TCERG1L: variants seen among roughly 807,000 people sequenced by gnomAD.
TCERG1L encodes the protein transcription elongation regulator 1-like protein.
In TCERG1L, 37 loss-of-function variants were observed where a neutral mutation model predicts 56.3. The observed-to-expected ratio is 0.66, with a 90% CI of 0.51 to 0.87. TCERG1L has a LOEUF of 0.87. TCERG1L is among the 40% of genes least tolerant of loss of function. The pLI, the probability that TCERG1L is intolerant of heterozygous loss-of-function variation, is 0.00. For missense variants in TCERG1L, 799 were observed against 774.2 expected (o/e 1.03, Z -0.38); for synonymous variants, 324 against 326.3 (o/e 0.99, Z 0.08).
chr10:131,185,963 G>C (rs1280141666), intron 4 of TCERG1L, among the ~76,000 whole-genome samples: 6 of 152,234 alleles, frequency 3.9e-5, no homozygotes, highest in Non-Finnish European at 8.8e-5. Flanking sequence ...ATGTACATGA[G>C]CATCAATGGA....
chr10:131,163,228 C>T lies in TCERG1L; in HGVS notation c.946-18G>A. The T allele has an allele frequency of 2.0e-6, 3 of 1,500,510 alleles. No individual in the cohort carries two copies. Among genetic ancestry groups the T allele is most frequent in the Non-Finnish European group, 1.8e-6 (2 of 1,126,872 alleles). 92.9% of individuals were successfully genotyped at this position (1,500,510 alleles called of 1,614,324 possible). ...GGAGGCTCCTTTCAACAGAAAGAGA[C>T]AGGGGAGTGGCTTTTAATTTTAAAC... On this transcript the variant is annotated intron_variant, in intron 5 of 11. Transcript: ENST00000368642.
At chr10:131,252,015 T>C (rs536998361) in intron 4 of TCERG1L, among the ~76,000 whole-genome samples, 4 of 152,310 alleles carry the variant, frequency 2.6e-5, no homozygotes, top group Middle Eastern at 3.4e-3. Context: ...CTCGGATAAG[T>C]GGAATCCTAT....
At chr10:131,209,388 T>A (rs908004135) in intron 4 of TCERG1L, among the ~76,000 whole-genome samples, 4 of 152,220 alleles carry the variant, frequency 2.6e-5, no homozygotes, top group African/African-American at 9.6e-5. Flanking sequence ...TGATAATGTC[T>A]AGTGTAGCAG....
In TCERG1L at chr10:131,223,787, C is replaced by T. The variant is rs909765183; in HGVS notation, c.856+36472G>A. On this transcript the variant is annotated intron_variant, in intron 4 of 11. Transcript: ENST00000368642. ...ATCTCCTTCCAGCTCAAGGTCACTC[C>T]CTGAAGTCTCCTTTGGCAAGCAGCC... 7.9e-5 allele frequency among the ~76,000 whole-genome samples: 12 copies of T among 152,134 alleles called. No homozygotes were observed. The South Asian group carries it at 1.0e-3, about 13-fold the overall frequency.
intron 9 of TCERG1L, among the ~76,000 whole-genome samples, chr10:131,112,825 C>T (rs1251514105): frequency 7.0e-6 from 1 of 142,376 alleles, no homozygotes; most frequent in African/African-American, 2.5e-5. Flanking sequence ...GAGGAAGGTG[C>T]CCAAATTTGC....
intron 4 of TCERG1L, among the ~76,000 whole-genome samples, chr10:131,256,245 AT>A (rs1303288026): frequency 2.0e-5 from 3 of 152,322 alleles, no homozygotes; most frequent in African/African-American, 7.2e-5. Flanking sequence ...GCATCTGCAG[AT>A]TTTGCTAATG....
intron 4 of TCERG1L, among the ~76,000 whole-genome samples, chr10:131,195,617 G>A (rs115652905): frequency 3.9e-5 from 6 of 152,148 alleles, no homozygotes; most frequent in East Asian, 1.9e-4. Context: ...CAGCCCGATC[G>A]CACAGGACCT....
At chr10:131,245,979 G>A (rs187110015) in intron 4 of TCERG1L, among the ~76,000 whole-genome samples, 80 of 152,274 alleles carry the variant, frequency 5.3e-4, no homozygotes, top group African/African-American at 1.6e-3. Flanking sequence ...TGGGAATGAC[G>A]GGGTAAACAG....
chr10:131,094,378 C>G (rs1269491815), intron 11 of TCERG1L, among the ~76,000 whole-genome samples: 1 of 152,242 alleles, frequency 6.6e-6, no homozygotes, highest in Non-Finnish European at 1.5e-5. Context: ...GAATTTTACA[C>G]TTCCTTGCAG....
At chr10:131,245,623 C>T (rs1481153944) in intron 4 of TCERG1L, among the ~76,000 whole-genome samples, 12 of 152,146 alleles carry the variant, frequency 7.9e-5, no homozygotes, top group Non-Finnish European at 1.6e-4. Context: ...CACAGGCCGC[C>T]GCCACATGTG....
At chr10:131,116,348 C>A (rs940412312) in intron 9 of TCERG1L, among the ~76,000 whole-genome samples, 1 of 152,124 alleles carries the variant, frequency 6.6e-6, no homozygotes, top group African/African-American at 2.4e-5. Context: ...GGTCGGGCAC[C>A]GCGACTGGCC....
chr10:131,184,075 G>C (rs1300032306), intron 4 of TCERG1L, among the ~76,000 whole-genome samples: 3 of 152,186 alleles, frequency 2.0e-5, no homozygotes, highest in Non-Finnish European at 4.4e-5. Context: ...TTTCTTGGAA[G>C]CTGCTCTCCT....
intron 8 of TCERG1L, among the ~76,000 whole-genome samples, chr10:131,124,753 G>A (rs773137346): frequency 3.3e-5 from 5 of 152,284 alleles, no homozygotes; most frequent in East Asian, 1.9e-4. Flanking sequence ...GATCTGCATC[G>A]CAGGGGTGAC....
chr10:131,229,492 C>A (rs1028628333), intron 4 of TCERG1L, among the ~76,000 whole-genome samples: 3 of 152,210 alleles, frequency 2.0e-5, no homozygotes, highest in Non-Finnish European at 4.4e-5. Context: ...CTCCTGGCAA[C>A]AGGCTGCTCA....
rs1166219082 is a variant in TCERG1L, at chr10:131,112,228, G to A, written c.1395+4571C>T. On this transcript the variant is annotated intron_variant, in intron 9 of 11. Coordinates refer to ENST00000368642, the MANE Select transcript of TCERG1L (RefSeq NM_174937.4). Reference sequence around the variant, plus strand: ...GCCGGGGGCTGAAGACTTGGGCCACGCCCCTGTCCCCGAGCTCTGTCCAGA... The same window carrying A: ...GCCGGGGGCTGAAGACTTGGGCCACACCCCTGTCCCCGAGCTCTGTCCAGA... 2.1e-5 allele frequency among the ~76,000 whole-genome samples: 3 copies of A among 142,736 alleles called. 1 individual carries two copies. Among genetic ancestry groups the A allele is most frequent in the Non-Finnish European group, 4.7e-5 (3 of 63,300 alleles). The allele number at this position is 142,736 out of a possible 152,430, so 93.6% of individuals were successfully genotyped here. A position where few individuals can be genotyped will look rare whatever the true frequency, so the allele number is the denominator to read the frequency against.
chr10:131,256,571 A>G (rs1010161167), intron 4 of TCERG1L, among the ~76,000 whole-genome samples: 1 of 152,128 alleles, frequency 6.6e-6, no homozygotes, highest in African/African-American at 2.4e-5. Flanking sequence ...TTTTAAAAAT[A>G]AATGCTGTCT....
At chr10:131,105,730 C>T (rs1020985956) in intron 9 of TCERG1L, among the ~76,000 whole-genome samples, 9 of 152,210 alleles carry the variant, frequency 5.9e-5, no homozygotes, top group African/African-American at 1.4e-4. Flanking sequence ...TGGGAATACT[C>T]GTTCATGCCT....
chr10:131,251,783 T>C (rs1320732078), intron 4 of TCERG1L, among the ~76,000 whole-genome samples: 1 of 152,200 alleles, frequency 6.6e-6, no homozygotes, highest in Non-Finnish European at 1.5e-5. Flanking sequence ...AAAATATACA[T>C]AACATGAAAT....
At chr10:131,238,275 T>C (rs2133517957) in intron 4 of TCERG1L, among the ~76,000 whole-genome samples, 1 of 152,300 alleles carries the variant, frequency 6.6e-6, no homozygotes, top group Non-Finnish European at 1.5e-5. Flanking sequence ...GTACACACAG[T>C]GATGGTCGTT....
Sources: allele counts gnomAD v4.1 joint callset (sites outside exome capture counted in the v4.1 genomes callset), GRCh38; gene constraint gnomAD v4.1.1; transcripts MANE v1.5; gene names NCBI Gene and HGNC (gene_info 2026-07-23, HGNC 2026-07-21).